DOCK7: variants seen among roughly 807,000 people sequenced by gnomAD.
DOCK7 encodes dedicator of cytokinesis protein 7.
Under a neutral mutation model 271.0 loss-of-function variants are expected in DOCK7, and 138 were observed. The ratio of observed to expected loss-of-function variants is 0.51; its 90% CI spans 0.44 to 0.59. The LOEUF (loss-of-function observed/expected upper bound fraction) is 0.59. Among genes scored for constraint, DOCK7 ranks in the 20% least tolerant of loss-of-function variants. DOCK7 has a pLI of 0.00. For synonymous variants in DOCK7, 823 were observed against 876.1 expected (o/e 0.94, Z 1.07); for missense variants, 2,066 against 2,592.4 (o/e 0.80, Z 4.41).
At chr1:62,597,817 A>T (rs373926508) in intron 14 of DOCK7, 19 of 1,612,986 alleles carry the variant, frequency 1.2e-5, no homozygotes, top group Non-Finnish European at 1.6e-5. Flanking sequence ...TCTTTTTATG[A>T]TCTATCGCTG....
chr1:62,558,912 T>G, intron 20 of DOCK7, 77 bp downstream of exon 20: 1 of 1,175,884 alleles, frequency 8.5e-7, no homozygotes, highest in Non-Finnish European at 1.2e-6. Flanking sequence ...ATAGAAATCA[T>G]GTTTTTTTTT....
chr1:62,559,767 A>G (rs1646262975), intron 19 of DOCK7, among the ~76,000 whole-genome samples: 1 of 152,140 alleles, frequency 6.6e-6, no homozygotes, highest in African/African-American at 2.4e-5. Context: ...CTATTCTTTG[A>G]AAGTCCTGTT....
chr1:62,506,421 T>G (rs1371267785), intron 35 of DOCK7, among the ~76,000 whole-genome samples: 1 of 152,070 alleles, frequency 6.6e-6, no homozygotes, highest in African/African-American at 2.4e-5. Context: ...TTGGACTTAT[T>G]AAATTTTTTC....
At position 62,506,258 on chromosome 1, in the gene DOCK7, C is replaced by T. The variant is rs541328752; in HGVS notation, c.4477-442G>A. Among the ~76,000 whole-genome samples the T allele has an allele frequency of 7.2e-5, 11 of 151,988 alleles. No individual in the cohort carries two copies. The South Asian group carries it at 1.5e-3, about 20-fold the overall frequency. ...GAATTTTAGCTGAAGACTTTGAATC[C>T]GGCTACAGAGAGAGGTGAACAAAAG... On this transcript the variant is annotated intron_variant, in intron 35 of 49. Coordinates refer to ENST00000635253, the MANE Select transcript of DOCK7 (RefSeq NM_001367561.1).
rs149742619 is a variant in DOCK7, at chr1:62,633,685, A to C, written c.1036-107T>G. The stretch of plus-strand genomic sequence containing the variant: ...ACACATTAACAGAATGACAGAAAAA[A>C]ATATATGACATCTCAATTGCTGTAG... On this transcript the variant is annotated intron_variant, in intron 9 of 49. Transcript: ENST00000635253. 1.9e-3 allele frequency: 1,404 copies of C among 720,588 alleles called. 3 individuals are homozygous for C. The highest frequency in any genetic ancestry group is 2.7e-3 in the Non-Finnish European group (1,124 of 422,120). 44.6% of individuals were successfully genotyped at this position (720,588 alleles called of 1,614,324 possible).
intron 4 of DOCK7, among the ~76,000 whole-genome samples, chr1:62,652,001 A>G (rs1340869604): frequency 6.6e-6 from 1 of 152,198 alleles, no homozygotes; most frequent in Non-Finnish European, 1.5e-5. Flanking sequence ...TCTGGGTATG[A>G]GGAATCCTTC....
intron 40 of DOCK7, 107 bp downstream of exon 40, chr1:62,494,166 TAA>T (rs1202642127): frequency 1.0e-6 from 1 of 994,318 alleles, no homozygotes; most frequent in East Asian, 2.7e-5. Flanking sequence ...AGCATTGGCT[TAA>T]GTCTTTAAGC....
At chr1:62,579,936 T>C (rs1647064272) in intron 16 of DOCK7, among the ~76,000 whole-genome samples, 1 of 152,108 alleles carries the variant, frequency 6.6e-6, no homozygotes, top group African/African-American at 2.4e-5. Context: ...ACCAAACCAA[T>C]GACACTTTCT....
intron 14 of DOCK7, chr1:62,602,240 A>C: frequency 6.9e-6 from 10 of 1,457,378 alleles, no homozygotes; most frequent in Non-Finnish European, 9.6e-6. Flanking sequence ...TACATCTGTC[A>C]ACATAAATCT....
intron 31 of DOCK7, among the ~76,000 whole-genome samples, chr1:62,526,088 T>G (rs1268888108): frequency 6.6e-6 from 1 of 152,048 alleles, no homozygotes; most frequent in Admixed American, 6.6e-5. Context: ...AGTAGGCACA[T>G]GCCACCACGC....
intron 14 of DOCK7, among the ~76,000 whole-genome samples, chr1:62,615,088 A>G (rs1303950244): frequency 1.3e-5 from 2 of 151,808 alleles, no homozygotes; most frequent in Non-Finnish European, 1.5e-5. Flanking sequence ...TAAGCTACAC[A>G]TATAGTCGTA....
chr1:62,479,465 C>CTA (rs1295156586), intron 43 of DOCK7, among the ~76,000 whole-genome samples: 1 of 152,024 alleles, frequency 6.6e-6, no homozygotes, highest in Non-Finnish European at 1.5e-5. Context: ...ATTAATCCAT[C>CTA]TATATAGATT....
chr1:62,673,087 G>C (rs936706863), intron 1 of DOCK7, among the ~76,000 whole-genome samples: 1 of 152,022 alleles, frequency 6.6e-6, no homozygotes, highest in African/African-American at 2.4e-5. Flanking sequence ...AAGTTAGCCC[G>C]TGTTAAAATG....
rs574984694 is a variant in DOCK7 at position 62,505,947 on chromosome 1, A to G, written c.4477-131T>C. 21 of 843,518 alleles carry G rather than the reference A, an allele frequency of 2.5e-5. No homozygotes were observed. In the East Asian group the frequency reaches 5.8e-4, roughly 23 times the overall value. 52.3% of individuals were successfully genotyped at this position (843,518 alleles called of 1,614,324 possible). On this transcript the variant is annotated intron_variant, in intron 35 of 49. Transcript: ENST00000635253. ...TAAAGTTTTAAAAGATAAAAAAATG[A>G]TAACATAAGATCTAGGATGGCTTCA...
rs971374095 is a variant in DOCK7, at chr1:62,593,626, A to G, written c.1683-7002T>C. ...GTCCAAAGATACGGCTGTTCAACTA[A>G]AAAATATATATGTATAAAACTTAAC... On this transcript the variant is annotated intron_variant, in intron 14 of 49. Transcript: ENST00000635253. Among the ~76,000 whole-genome samples, 12 of 152,278 alleles carry G rather than the reference A, an allele frequency of 7.9e-5. 1 individual carries two copies. Among genetic ancestry groups the G allele is most frequent in the African/African-American group, 2.9e-4 (12 of 41,572 alleles).
chr1:62,558,925 T>A (rs1258316885), intron 20 of DOCK7, 64 bp downstream of exon 20: 6 of 1,332,352 alleles, frequency 4.5e-6, no homozygotes, highest in South Asian at 2.7e-5. Context: ...TTTTTTTTTT[T>A]AACAAAATTT....
Position 62,455,277 on chromosome 1 carries a change from A to AT in DOCK7, c.*136dup. ...CTCAAGCGTTAACAATCTACATTTG[A>AT]TATTTTCTTGGCCACTGCATTCTTC... On this transcript the variant is annotated 3_prime_UTR_variant, in exon 50 of 50. Coordinates refer to ENST00000635253, the MANE Select transcript of DOCK7 (RefSeq NM_001367561.1). 1.1e-6 allele frequency: 1 copy of AT among 874,998 alleles called. No individual in the cohort carries two copies. Among genetic ancestry groups the AT allele is most frequent in the Non-Finnish European group, 1.9e-6 (1 of 537,310 alleles). The allele number at this position is 874,998 out of a possible 1,614,324, so 54.2% of individuals were successfully genotyped here. A position where few individuals can be genotyped will look rare whatever the true frequency, so the allele number is the denominator to read the frequency against.
At chr1:62,649,261 A>G (rs971337599) in intron 4 of DOCK7, among the ~76,000 whole-genome samples, 3 of 152,188 alleles carry the variant, frequency 2.0e-5, no homozygotes, top group African/African-American at 7.2e-5. Flanking sequence ...TAGTTGAAGC[A>G]AAACAATAAT....
In DOCK7 at chr1:62,504,694, G is replaced by T. The variant is rs755483395; in HGVS notation, c.4700C>A (p.Thr1567Lys). 1 of 1,614,116 alleles carries T rather than the reference G, an allele frequency of 6.2e-7. No homozygotes were observed. The highest frequency in any genetic ancestry group is 8.5e-7 in the Non-Finnish European group (1 of 1,180,006). Residue 1567 changes from threonine to lysine, a missense_variant, in exon 37 of 50, where the codon ACA becomes AAA. By Grantham distance (78) the Thr-to-Lys change is moderately conservative (BLOSUM62 -1). Transcript: ENST00000635253. ...LLRHCSSSIGTIRSHASASLY... is the reference protein window; with the variant it reads ...LLRHCSSSIGKIRSHASASLY... ...GGAGGCACTGGCGTGTGACCGTATT[G>T]TACCGATGCTACTGCTACAGTGTCG...
Sources: allele counts gnomAD v4.1 joint callset (sites outside exome capture counted in the v4.1 genomes callset), GRCh38; gene constraint gnomAD v4.1.1; transcripts MANE v1.5; gene names NCBI Gene and HGNC (gene_info 2026-07-23, HGNC 2026-07-21).